Variants in RNF152 observed in about 807,000 individuals in gnomAD.
RNF152 encodes the protein E3 ubiquitin-protein ligase RNF152.
In RNF152, 11 loss-of-function variants were observed where a neutral mutation model predicts 12.7. The observed-to-expected ratio is 0.86, with a 90% confidence interval of 0.54 to 1.43. The LOEUF (loss-of-function observed/expected upper bound fraction) is 1.43. Ranked by LOEUF, RNF152 falls within the 40% of genes most tolerant of loss-of-function variation. The pLI, the probability that RNF152 is intolerant of heterozygous loss-of-function variation, is 0.00. For synonymous variants in RNF152, 113 were observed against 120.3 expected, an observed-to-expected ratio of 0.94 and a Z score of 0.40; for missense variants, 255 against 274.8, an observed-to-expected ratio of 0.93 and a Z score of 0.51.
In RNF152 at chr18:61,881,778, T is replaced by C. The variant is rs527538053; in HGVS notation, c.-136+11017A>G. Reference sequence around the variant, plus strand: ...GAGCACAAAGAGAGGGTTTAGCATCTCCACGCACAAGTTCTACAAATAAGA... The same window carrying C: ...GAGCACAAAGAGAGGGTTTAGCATCCCCACGCACAAGTTCTACAAATAAGA... On this transcript the variant is annotated intron_variant, in intron 1 of 1. Coordinates refer to ENST00000312828, the MANE Select transcript of RNF152 (RefSeq NM_173557.3). 2.0e-5 allele frequency among the ~76,000 whole-genome samples: 3 copies of C among 152,328 alleles called. No individual in the cohort carries two copies. The South Asian group carries it at 6.2e-4, about 32-fold the overall frequency.
intron 1 of RNF152, among the ~76,000 whole-genome samples, chr18:61,870,756 G>T (rs1298558866): frequency 1.3e-5 from 2 of 152,094 alleles, no homozygotes; most frequent in Admixed American, 6.5e-5. Flanking sequence ...ACCCACATAA[G>T]GCTCCAGCTC....
At chr18:61,873,029 C>T (rs1912059906) in intron 1 of RNF152, among the ~76,000 whole-genome samples, 1 of 152,178 alleles carries the variant, frequency 6.6e-6, no homozygotes, top group Non-Finnish European at 1.5e-5. Context: ...TGGACTACAA[C>T]ATATGAATGC....
At chr18:61,856,616 C>A (rs570065978) in intron 1 of RNF152, among the ~76,000 whole-genome samples, 4 of 152,144 alleles carry the variant, frequency 2.6e-5, no homozygotes, top group Admixed American at 6.5e-5. Flanking sequence ...AGATTTGATA[C>A]CCCTTCTTTC....
At chr18:61,833,436 A>C (rs1910041891) in intron 1 of RNF152, among the ~76,000 whole-genome samples, 1 of 152,232 alleles carries the variant, frequency 6.6e-6, no homozygotes, top group African/African-American at 2.4e-5. Flanking sequence ...CCACTGCTAC[A>C]GCTGCAAATC....
intron 1 of RNF152, among the ~76,000 whole-genome samples, chr18:61,820,284 G>A (rs537183046): frequency 1.3e-4 from 15 of 116,774 alleles, no homozygotes; most frequent in East Asian, 1.1e-3. Context: ...AGCAGAGATC[G>A]CACCACTGCA....
chr18:61,889,897 A>T (rs1265211515), intron 1 of RNF152, among the ~76,000 whole-genome samples: 1 of 152,180 alleles, frequency 6.6e-6, no homozygotes, highest in Non-Finnish European at 1.5e-5. Context: ...ACACCTCTCT[A>T]TTACATAATG....
Position 61,816,521 on chromosome 18 carries a change from G to A in RNF152, c.-58C>T. 6.5e-7 allele frequency: 1 copy of A among 1,549,870 alleles called. No individual in the cohort carries two copies. Among genetic ancestry groups the A allele is most frequent in the Non-Finnish European group, 8.7e-7 (1 of 1,143,636 alleles). On this transcript the variant is annotated 5_prime_UTR_variant, in exon 2 of 2. Coordinates refer to ENST00000312828, the MANE Select transcript of RNF152 (RefSeq NM_173557.3). ...GTGAAGGGGAAGGAGCTGCTTCTCAGAGGCCACCGCCCTGTGTCTTTGCAG... is the reference window on the plus strand; with the variant it reads ...GTGAAGGGGAAGGAGCTGCTTCTCAAAGGCCACCGCCCTGTGTCTTTGCAG...
chr18:61,890,827 C>A (rs4941083), intron 1 of RNF152, among the ~76,000 whole-genome samples: 1 of 151,636 alleles, frequency 6.6e-6, no homozygotes, highest in East Asian at 1.9e-4. Flanking sequence ...AATGTAAGGA[C>A]CGAACTGTAT....
At chr18:61,880,937 G>C (rs1409606265) in intron 1 of RNF152, among the ~76,000 whole-genome samples, 1 of 143,932 alleles carries the variant, frequency 6.9e-6, no homozygotes, top group African/African-American at 2.6e-5. Flanking sequence ...TTTTGAGACG[G>C]AGTTTTGCTC....
At chr18:61,824,596 A>G (rs1055976965) in intron 1 of RNF152, among the ~76,000 whole-genome samples, 44 of 152,222 alleles carry the variant, frequency 2.9e-4, no homozygotes, top group African/African-American at 1.0e-3. Flanking sequence ...AGAAAATGCT[A>G]CAACTTCAAT....
At chr18:61,834,487 C>G (rs769664952) in intron 1 of RNF152, among the ~76,000 whole-genome samples, 1 of 152,228 alleles carries the variant, frequency 6.6e-6, no homozygotes, top group Non-Finnish European at 1.5e-5. Flanking sequence ...TACACACACA[C>G]CCAGCATCTA....
chr18:61,887,093 G>A (rs1163690032), intron 1 of RNF152, among the ~76,000 whole-genome samples: 1 of 152,248 alleles, frequency 6.6e-6, no homozygotes, highest in Non-Finnish European at 1.5e-5. Flanking sequence ...AACCATCCCA[G>A]CTAATGTTCA....
chr18:61,850,766 C>T (rs908617926), intron 1 of RNF152, among the ~76,000 whole-genome samples: 2 of 152,188 alleles, frequency 1.3e-5, no homozygotes, highest in Admixed American at 6.5e-5. Context: ...ATCCAAACCG[C>T]TTGTTTGAGC....
At chr18:61,855,053 G>A (rs1911157920) in intron 1 of RNF152, among the ~76,000 whole-genome samples, 1 of 152,226 alleles carries the variant, frequency 6.6e-6, no homozygotes, top group Non-Finnish European at 1.5e-5. Context: ...TGGTGGTGGG[G>A]AGAGGGAACT....
intron 1 of RNF152, among the ~76,000 whole-genome samples, chr18:61,825,871 T>C (rs1599267882): frequency 6.6e-6 from 1 of 152,208 alleles, no homozygotes; most frequent in Non-Finnish European, 1.5e-5. Context: ...ATTTTTTTTT[T>C]ACTAACCACA....
rs1170764791 is a variant in RNF152, at chr18:61,810,538, C to T, written c.*5314G>A. On this transcript the variant is annotated 3_prime_UTR_variant, in exon 2 of 2. Coordinates refer to ENST00000312828, the MANE Select transcript of RNF152 (RefSeq NM_173557.3). The stretch of plus-strand genomic sequence containing the variant: ...AGGCGCATGCCTATAATCCCAGCTA[C>T]TCAGGAGGCTGAGGCAGGAGAATAG... 1 of 152,308 alleles carries T rather than the reference C, an allele frequency of 6.6e-6. No individual in the cohort carries two copies. Among genetic ancestry groups the T allele is most frequent in the Non-Finnish European group, 1.5e-5 (1 of 68,146 alleles). The allele number at this position is 152,308 out of a possible 1,614,324, so 9.4% of individuals were successfully genotyped here.
chr18:61,873,718 A>G (rs956410856), intron 1 of RNF152, among the ~76,000 whole-genome samples: 2 of 152,216 alleles, frequency 1.3e-5, no homozygotes, highest in Non-Finnish European at 2.9e-5. Flanking sequence ...TTCTGCCCAC[A>G]TAGTGAACTC....
At position 61,816,319 on chromosome 18, in the gene RNF152, C is replaced by T. The variant is rs1239267541; in HGVS notation, c.145G>A (p.Val49Met). The part of the protein sequence containing the change: ...LQQMRTSQKD[V>M]RCPWCRGVTK... ...ACACCGCGGCACCAGGGGCACCGCA[C>T]ATCCTTCTGGCTGGTCCTCATCTGC... The change falls in exon 2 of 2, where the codon GTG becomes ATG. Residue 49 changes from valine to methionine, a missense_variant. Transcript: ENST00000312828. 1 of 1,614,234 alleles carries T rather than the reference C, an allele frequency of 6.2e-7. No individual in the cohort carries two copies. The highest frequency in any genetic ancestry group is 2.2e-5 in the East Asian group (1 of 44,876).
intron 1 of RNF152, among the ~76,000 whole-genome samples, chr18:61,853,251 C>G (rs1216666759): frequency 1.3e-5 from 2 of 150,234 alleles, no homozygotes; most frequent in Admixed American, 6.6e-5. Flanking sequence ...GTTGGCAGAG[C>G]TGTTTCTTTC....
Sources: allele counts gnomAD v4.1 joint callset (sites outside exome capture counted in the v4.1 genomes callset), GRCh38; gene constraint gnomAD v4.1.1; transcripts MANE v1.5; gene names NCBI Gene and HGNC (gene_info 2026-07-23, HGNC 2026-07-21).